Variants in SH3BP5 observed in about 807,000 individuals in gnomAD.
The protein encoded by SH3BP5 is SH3 domain-binding protein 5.
A neutral mutation model predicts 43.3 loss-of-function variants in SH3BP5; 22 were observed. The observed-to-expected ratio is 0.51, with a 90% CI of 0.36 to 0.73. The LOEUF (loss-of-function observed/expected upper bound fraction) is 0.73, where lower values mean the gene tolerates loss of function less well. Ranked by LOEUF, SH3BP5 falls within the 30% of genes least tolerant of loss-of-function variation. The probability of loss-of-function intolerance (pLI) is 0.00; values close to 1 mark genes in which losing one functional copy is unlikely to be tolerated. For missense variants in SH3BP5, 529 were observed against 586.9 expected (o/e 0.90, Z 1.02); for synonymous variants, 255 against 225.8 (o/e 1.13, Z -1.16).
intron 2 of SH3BP5, among the ~76,000 whole-genome samples, chr3:15,306,950 G>A (rs1342064883): frequency 6.6e-6 from 1 of 152,190 alleles, no homozygotes; most frequent in Non-Finnish European, 1.5e-5. Flanking sequence ...TGGGATTACA[G>A]GTGTGAGCCA....
At chr3:15,316,098 A>C (rs1698176930) in intron 2 of SH3BP5, among the ~76,000 whole-genome samples, 2 of 152,018 alleles carry the variant, frequency 1.3e-5, no homozygotes, top group African/African-American at 4.8e-5. Flanking sequence ...TCTAAGAGTC[A>C]CACTTGGCAT....
intron 2 of SH3BP5, among the ~76,000 whole-genome samples, chr3:15,316,578 T>A (rs1314367997): frequency 2.0e-5 from 3 of 152,152 alleles, no homozygotes; most frequent in Non-Finnish European, 4.4e-5. Flanking sequence ...CAGAATGGAA[T>A]TGAACCAATT....
At chr3:15,268,730 T>C (rs1197481132) in intron 4 of SH3BP5, among the ~76,000 whole-genome samples, 1 of 152,148 alleles carries the variant, frequency 6.6e-6, no homozygotes, top group Non-Finnish European at 1.5e-5. Context: ...GGTCTGAACA[T>C]TTGTGTCCTC....
chr3:15,304,729 C>T (rs1286454382), intron 2 of SH3BP5, among the ~76,000 whole-genome samples: 2 of 150,564 alleles, frequency 1.3e-5, no homozygotes, highest in African/African-American at 2.5e-5. Flanking sequence ...GCACAAGAAT[C>T]TCTTGAACCC....
intron 2 of SH3BP5, among the ~76,000 whole-genome samples, chr3:15,313,401 A>G (rs1395555107): frequency 6.6e-6 from 1 of 152,212 alleles, no homozygotes; most frequent in Non-Finnish European, 1.5e-5. Flanking sequence ...GAATGATAGG[A>G]AAGTCTCCAT....
chr3:15,263,460 C>G (rs940580635), intron 4 of SH3BP5, among the ~76,000 whole-genome samples: 2 of 152,214 alleles, frequency 1.3e-5, no homozygotes, highest in African/African-American at 2.4e-5. Context: ...CAGAAGAACT[C>G]AGGATCCAGA....
chr3:15,256,308 A>G lies in SH3BP5; in HGVS notation c.1151-5T>C, dbSNP rs1229948916. 6.2e-7 allele frequency: 1 copy of G among 1,611,708 alleles called. No individual in the cohort carries two copies. The highest frequency in any genetic ancestry group is 1.7e-5 in the Admixed American group (1 of 59,932). ...CTGCCCCTTCTGCCCTGTCTCCTAT[A>G]GAAATACAAGGATTATCAAAAGTGA... On this transcript the variant is annotated splice_region_variant and splice_polypyrimidine_tract_variant and intron_variant, in intron 8 of 8. Transcript: ENST00000383791.
At chr3:15,306,870 C>T (rs937429471) in intron 2 of SH3BP5, among the ~76,000 whole-genome samples, 16 of 152,096 alleles carry the variant, frequency 1.1e-4, no homozygotes, top group Middle Eastern at 3.4e-3. Context: ...GATGGGGTTT[C>T]GCATGTTGTC....
Position 15,257,049 on chromosome 3 carries a change from G to T in SH3BP5, c.954C>A (p.Thr318=). The change falls in exon 8 of 9, where the codon ACC becomes ACA. Residue 318 remains threonine (T), a synonymous_variant. Transcript: ENST00000383791. ...SNFVSEDDSE[T]QSVSSFSSGP... The stretch of plus-strand genomic sequence containing the variant: ...CTGAACTAAAGCTGGACACGGACTG[G>T]GTTTCCGAGTCATCTTCAGACACAA... 1 of 1,614,164 alleles carries T rather than the reference G, an allele frequency of 6.2e-7. No individual in the cohort carries two copies. The highest frequency in any genetic ancestry group is 8.5e-7 in the Non-Finnish European group (1 of 1,179,996).
At chr3:15,284,886 G>A (rs750096452) in intron 3 of SH3BP5, among the ~76,000 whole-genome samples, 1 of 152,212 alleles carries the variant, frequency 6.6e-6, no homozygotes, top group African/African-American at 2.4e-5. Flanking sequence ...AGGGACACCA[G>A]CACACACTGG....
intron 3 of SH3BP5, among the ~76,000 whole-genome samples, chr3:15,299,832 C>A (rs1697685313): frequency 6.6e-6 from 1 of 151,898 alleles, no homozygotes; most frequent in Non-Finnish European, 1.5e-5. Context: ...ATGGATATTC[C>A]AGACACTGGA....
rs10522979 is a variant in SH3BP5, at chr3:15,294,290, AGTGTGTGTGTGTGTGTGT to A, written c.330+9795_330+9812del. On this transcript the variant is annotated intron_variant, in intron 3 of 8. Transcript: ENST00000383791. The stretch of plus-strand genomic sequence containing the variant: ...CCCAGTTTCTTCTTCTGCAAAAGTA[AGTGTGTGTGTGTGTGTGT>A]GTGTGTGTGTGTGTGTGTGTGTGCG... 1.1e-3 allele frequency among the ~76,000 whole-genome samples: 155 copies of A among 138,232 alleles called. 1 individual carries two copies. The highest frequency in any genetic ancestry group is 1.8e-3 in the Non-Finnish European group (114 of 63,622). 90.7% of individuals were successfully genotyped at this position (138,232 alleles called of 152,430 possible).
At chr3:15,321,999 G>A (rs1698339520) in intron 2 of SH3BP5, among the ~76,000 whole-genome samples, 1 of 152,102 alleles carries the variant, frequency 6.6e-6, no homozygotes, top group African/African-American at 2.4e-5. Flanking sequence ...GAGGTCGGGA[G>A]TTCGAGATCA....
rs1696122213 is a variant in SH3BP5 at position 15,254,458 on chromosome 3, A to G, written c.*1628T>C. On this transcript the variant is annotated 3_prime_UTR_variant, in exon 9 of 9. Coordinates refer to ENST00000383791, the MANE Select transcript of SH3BP5 (RefSeq NM_004844.5). The stretch of plus-strand genomic sequence containing the variant: ...CCATCTGATTCTCAACTCTGAATGC[A>G]CATTTGAATTCCCTCGGGGAGCTTT... The G allele has an allele frequency of 6.6e-6, 1 of 152,238 alleles. No individual in the cohort carries two copies. Among genetic ancestry groups the G allele is most frequent in the African/African-American group, 2.4e-5 (1 of 41,454 alleles). 9.4% of individuals were successfully genotyped at this position (152,238 alleles called of 1,614,324 possible).
chr3:15,272,565 ACATTACAAAACAGAGTGCC>A (rs1696837787), intron 3 of SH3BP5, among the ~76,000 whole-genome samples: 2 of 117,062 alleles, frequency 1.7e-5, no homozygotes, highest in African/African-American at 1.2e-4. Context: ...TAGGATAAAG[ACATTACAAAACAGAGTGCC>A]TGTAGGATAA....
chr3:15,305,288 C>A lies in SH3BP5; in HGVS notation c.202-1057G>T, dbSNP rs769182839. ...AGACATAGATTCAACACTGACCAAACCTCTATCTGGGGAAGAATGTCCAGC... is the reference window on the plus strand; with the variant it reads ...AGACATAGATTCAACACTGACCAAAACTCTATCTGGGGAAGAATGTCCAGC... On this transcript the variant is annotated intron_variant, in intron 2 of 8. Coordinates refer to ENST00000383791, the MANE Select transcript of SH3BP5 (RefSeq NM_004844.5). 4.6e-4 allele frequency among the ~76,000 whole-genome samples: 70 copies of A among 152,230 alleles called. 1 individual carries two copies. The highest frequency in any genetic ancestry group is 9.8e-4 in the Non-Finnish European group (67 of 68,048).
At chr3:15,295,662 T>C (rs1396264329) in intron 3 of SH3BP5, among the ~76,000 whole-genome samples, 10 of 152,178 alleles carry the variant, frequency 6.6e-5, no homozygotes, top group Non-Finnish European at 1.2e-4. Flanking sequence ...AAACGACACA[T>C]GCAGAAAAAG....
chr3:15,296,862 T>TAAAAAA (rs869130338), intron 3 of SH3BP5, among the ~76,000 whole-genome samples: 1 of 123,162 alleles, frequency 8.1e-6, no homozygotes, highest in Non-Finnish European at 1.7e-5. Flanking sequence ...TCTGGCTTCT[T>TAAAAAA]AAAAAAAAAA....
At chr3:15,338,788 T>G (rs1698731226) in intron 1 of SH3BP5, among the ~76,000 whole-genome samples, 1 of 152,040 alleles carries the variant, frequency 6.6e-6, no homozygotes. Context: ...CATCTCTGAT[T>G]GGCAAGAGTG....
Sources: gnomAD v4.1 joint callset for allele counts (sites outside exome capture counted in the v4.1 genomes callset) on GRCh38, gnomAD v4.1.1 for gene constraint, MANE v1.5 for transcripts, NCBI Gene and HGNC (gene_info 2026-07-23, HGNC 2026-07-21) for gene names.